Variants in ADGRL3 observed in about 807,000 individuals in gnomAD.
ADGRL3 encodes the protein calcium-independent alpha-latrotoxin receptor 3.
ADGRL3 carries 62 observed loss-of-function variants against 153.5 expected under a neutral mutation model. The ratio of observed to expected loss-of-function variants is 0.40; its 90% CI spans 0.33 to 0.50. ADGRL3 has a LOEUF of 0.50. Ranked by LOEUF, ADGRL3 falls within the 20% of genes least tolerant of loss-of-function variation. The probability of loss-of-function intolerance (pLI) is 0.47; values close to 1 mark genes in which losing one functional copy is unlikely to be tolerated. For synonymous variants in ADGRL3, 710 were observed against 672.5 expected (o/e 1.06, Z -0.86); for missense variants, 1,641 against 1,859.4 (o/e 0.88, Z 2.16).
intron 4 of ADGRL3, among the ~76,000 whole-genome samples, chr4:61,552,287 T>C (rs984359404): frequency 1.9e-4 from 29 of 152,160 alleles, no homozygotes; most frequent in African/African-American, 7.0e-4. Context: ...ATAGTTCAGG[T>C]AACTGGTTAC....
At chr4:61,510,513 G>A (rs1579258565) in intron 3 of ADGRL3, among the ~76,000 whole-genome samples, 1 of 152,094 alleles carries the variant, frequency 6.6e-6, no homozygotes, top group African/African-American at 2.4e-5. Context: ...TATTAAATAG[G>A]GAGTCATTTC....
At chr4:61,516,637 G>C (rs1221460894) in intron 3 of ADGRL3, among the ~76,000 whole-genome samples, 4 of 151,690 alleles carry the variant, frequency 2.6e-5, no homozygotes, top group African/African-American at 9.7e-5. Context: ...ACTCATTTAT[G>C]TAATATGTAC....
intron 2 of ADGRL3, among the ~76,000 whole-genome samples, chr4:61,422,425 G>T (rs1377436069): frequency 2.0e-5 from 3 of 152,086 alleles, no homozygotes; most frequent in Non-Finnish European, 2.9e-5. Context: ...GCATGCTTGT[G>T]AATGTATACT....
rs996207698 is a variant in ADGRL3, at chr4:61,330,137, A to G, written c.-239-52987A>G. On this transcript the variant is annotated intron_variant, in intron 1 of 26. Transcript: ENST00000683033. ...TTGAAGTTTTCTTTTTTATTTCCCA[A>G]TTTCAAGGACAGACGTATTCTTTGG... Among the ~76,000 whole-genome samples, 6 of 152,108 alleles carry G rather than the reference A, an allele frequency of 3.9e-5. 1 individual carries two copies. The highest frequency in any genetic ancestry group is 3.9e-4 in the Admixed American group (6 of 15,258).
At chr4:61,303,277 A>G (rs1483859205) in intron 1 of ADGRL3, among the ~76,000 whole-genome samples, 1 of 152,186 alleles carries the variant, frequency 6.6e-6, no homozygotes, top group East Asian at 1.9e-4. Flanking sequence ...TCAGTGGGCA[A>G]ATCACTTCAT....
At chr4:61,430,280 G>A (rs1309245427) in intron 2 of ADGRL3, among the ~76,000 whole-genome samples, 1 of 152,160 alleles carries the variant, frequency 6.6e-6, no homozygotes, top group African/African-American at 2.4e-5. Context: ...GAGTGCAATA[G>A]TCTAGCTGAT....
At chr4:61,400,049 A>G (rs192580485) in intron 2 of ADGRL3, among the ~76,000 whole-genome samples, 1 of 151,936 alleles carries the variant, frequency 6.6e-6, no homozygotes, top group East Asian at 1.9e-4. Flanking sequence ...AAGAGAGCAT[A>G]TATTTCCTTA....
chr4:61,655,415 A>G (rs993370365), intron 5 of ADGRL3, among the ~76,000 whole-genome samples: 13 of 152,172 alleles, frequency 8.5e-5, no homozygotes, highest in African/African-American at 3.1e-4. Context: ...TTTTTTCACT[A>G]GTAAATTATT....
chr4:61,801,476 A>T (rs1459480182), intron 8 of ADGRL3, among the ~76,000 whole-genome samples: 1 of 152,124 alleles, frequency 6.6e-6, no homozygotes, highest in African/African-American at 2.4e-5. Context: ...AGACTCCCAC[A>T]TTCATGTCAA....
At chr4:61,288,508 G>A (rs1429126962) in intron 1 of ADGRL3, among the ~76,000 whole-genome samples, 1 of 151,934 alleles carries the variant, frequency 6.6e-6, no homozygotes, top group African/African-American at 2.4e-5. Flanking sequence ...AACACTCAAA[G>A]ATAGAATATA....
chr4:61,663,846 G>A (rs2094693353), intron 5 of ADGRL3, among the ~76,000 whole-genome samples: 1 of 152,040 alleles, frequency 6.6e-6, no homozygotes, highest in African/African-American at 2.4e-5. Context: ...ATTTTACTAT[G>A]TTTTATATGA....
intron 13 of ADGRL3, among the ~76,000 whole-genome samples, chr4:61,924,289 C>G (rs2150019567): frequency 6.6e-6 from 1 of 152,170 alleles, no homozygotes; most frequent in Non-Finnish European, 1.5e-5. Flanking sequence ...TCATTGGTTC[C>G]TCCTCTTCTC....
intron 4 of ADGRL3, among the ~76,000 whole-genome samples, chr4:61,563,285 G>C (rs1032626417): frequency 6.6e-6 from 1 of 151,992 alleles, no homozygotes. Context: ...CTGAGAAGTA[G>C]GTCTCAACAA....
chr4:61,412,094 T>TTTTGTTTG (rs111558814), intron 2 of ADGRL3, among the ~76,000 whole-genome samples: 1 of 151,234 alleles, frequency 6.6e-6, no homozygotes, highest in Non-Finnish European at 1.5e-5. Context: ...GTTGTGGTCT[T>TTTTGTTTG]TTTGTTTGTT....
At chr4:61,736,275 T>A (rs2096511042) in intron 8 of ADGRL3, among the ~76,000 whole-genome samples, 1 of 152,294 alleles carries the variant, frequency 6.6e-6, no homozygotes, top group East Asian at 1.9e-4. Context: ...ATTTAATTTT[T>A]AAAAATGTAT....
At chr4:61,413,365 A>C (rs1314090401) in intron 2 of ADGRL3, among the ~76,000 whole-genome samples, 1 of 151,988 alleles carries the variant, frequency 6.6e-6, no homozygotes, top group African/African-American at 2.4e-5. Flanking sequence ...AAGTGGGGAA[A>C]CGGGTGCTCT....
intron 5 of ADGRL3, among the ~76,000 whole-genome samples, chr4:61,608,172 G>T (rs1475997502): frequency 6.6e-6 from 1 of 152,204 alleles, no homozygotes; most frequent in Non-Finnish European, 1.5e-5. Context: ...TCCACTGACT[G>T]CCTCCTACCA....
chr4:61,932,703 C>G (rs1414142788), intron 13 of ADGRL3, among the ~76,000 whole-genome samples: 1 of 151,986 alleles, frequency 6.6e-6, no homozygotes, highest in South Asian at 2.1e-4. Flanking sequence ...TTGGAAGTGT[C>G]CCCTCCTCTT....
At chr4:61,415,337 G>C (rs2097133676) in intron 2 of ADGRL3, among the ~76,000 whole-genome samples, 1 of 151,926 alleles carries the variant, frequency 6.6e-6, no homozygotes, top group African/African-American at 2.4e-5. Flanking sequence ...TTTCCTTGAA[G>C]TCTGTTTATT....
Sources: gnomAD v4.1 joint callset for allele counts (sites outside exome capture counted in the v4.1 genomes callset) on GRCh38, gnomAD v4.1.1 for gene constraint, MANE v1.5 for transcripts, NCBI Gene and HGNC (gene_info 2026-07-23, HGNC 2026-07-21) for gene names.